The following FZR1 variants were observed in gnomAD, a reference collection of about 807,000 sequenced individuals.
FZR1 encodes the protein fizzy-related protein homolog.
In FZR1, 11 loss-of-function variants were observed where a neutral mutation model predicts 63.6. The observed-to-expected ratio is 0.17, with a 90% CI of 0.11 to 0.29. The LOEUF is 0.29. Among genes scored for constraint, FZR1 ranks in the 10% least tolerant of loss-of-function variants. The pLI is 1.00. For synonymous variants in FZR1, 328 were observed against 297.9 expected (o/e 1.10, Z -1.04); for missense variants, 440 against 687.5 (o/e 0.64, Z 4.03).
chr19:3,534,713 C>A, intron 13 of FZR1, 82 bp from the exon 14 acceptor site: 1 of 1,298,966 alleles, frequency 7.7e-7, no homozygotes, highest in Non-Finnish European at 1.1e-6. Flanking sequence ...CAGGACCAAG[C>A]CCCAAAGCCT....
intron 1 of FZR1, among the ~76,000 whole-genome samples, chr19:3,522,043 G>A (rs1056976889): frequency 6.6e-6 from 1 of 152,138 alleles, no homozygotes; most frequent in African/African-American, 2.4e-5. Context: ...AGGCTGCAGT[G>A]ATCCGTGATT....
chr19:3,518,255 C>T (rs1321283649), intron 1 of FZR1, among the ~76,000 whole-genome samples: 2 of 152,128 alleles, frequency 1.3e-5, no homozygotes, highest in Non-Finnish European at 2.9e-5. Flanking sequence ...CTCAGGTGAT[C>T]TGTCCACCTC....
Position 3,523,075 on chromosome 19 carries a change from T to A in FZR1, c.69+17T>A. 6.7e-7 allele frequency: 1 copy of A among 1,484,310 alleles called. No individual in the cohort carries two copies. The highest frequency in any genetic ancestry group is 9.4e-7 in the Non-Finnish European group (1 of 1,063,040). 91.9% of individuals were successfully genotyped at this position (1,484,310 alleles called of 1,614,324 possible). On this transcript the variant is annotated intron_variant, in intron 2 of 13. Coordinates refer to ENST00000441788, the MANE Select transcript of FZR1 (RefSeq NM_016263.4). ...ATGCCACGCGTGAGTGCCCCCGCCCTGCCCACCACTGTGGCTCCCCCTCCC... is the reference window on the plus strand; with the variant it reads ...ATGCCACGCGTGAGTGCCCCCGCCCAGCCCACCACTGTGGCTCCCCCTCCC...
At chr19:3,524,704 C>T (rs182356550) in intron 2 of FZR1, among the ~76,000 whole-genome samples, 20 of 152,254 alleles carry the variant, frequency 1.3e-4, no homozygotes, top group African/African-American at 3.9e-4. Context: ...CGCTTCCTCT[C>T]GAGGCTCCAG....
intron 2 of FZR1, among the ~76,000 whole-genome samples, chr19:3,524,213 G>A (rs2083130403): frequency 6.6e-6 from 1 of 152,326 alleles, no homozygotes; most frequent in Admixed American, 6.5e-5. Flanking sequence ...TCTCGGGGCT[G>A]CCAGGAGGAC....
intron 1 of FZR1, among the ~76,000 whole-genome samples, chr19:3,520,054 C>T (rs974213849): frequency 4.6e-5 from 7 of 152,228 alleles, no homozygotes; most frequent in Non-Finnish European, 7.3e-5. Context: ...TTTCCTGGGG[C>T]TCAGGTCTCT....
At position 3,506,325 on chromosome 19, in the gene FZR1, C is replaced by T. The variant is rs1284214777; in HGVS notation, c.-184C>T. 1 of 150,742 alleles carries T rather than the reference C, an allele frequency of 6.6e-6. No homozygotes were observed. Among genetic ancestry groups the T allele is most frequent in the Non-Finnish European group, 1.5e-5 (1 of 67,564 alleles). The allele number at this position is 150,742 out of a possible 1,614,324, so 9.3% of individuals were successfully genotyped here. On this transcript the variant is annotated 5_prime_UTR_variant, in exon 1 of 14. Transcript: ENST00000441788. The stretch of plus-strand genomic sequence containing the variant: ...AGCCGGGAGGCAGCGGAGGAGCGAC[C>T]GCCGCCATATTAGGGACCGCGGAGC...
chr19:3,507,496 A>C (rs553416479), intron 1 of FZR1, among the ~76,000 whole-genome samples: 2 of 151,478 alleles, frequency 1.3e-5, no homozygotes, highest in African/African-American at 4.9e-5. Context: ...CCCCAAACTC[A>C]TCCTCTGGTT....
At chr19:3,532,293 T>C in intron 10 of FZR1, 124 bp from the exon 11 acceptor site, 1 of 858,986 alleles carries the variant, frequency 1.2e-6, no homozygotes, top group South Asian at 1.8e-5. Flanking sequence ...CCCCCAGGGG[T>C]CCTTGAGGGA....
chr19:3,527,057 C>G lies in FZR1; in HGVS notation c.465C>G (p.Asn155Lys), dbSNP rs754880818. 2 of 1,608,384 alleles carry G rather than the reference C, an allele frequency of 1.2e-6. No homozygotes were observed. The highest frequency in any genetic ancestry group is 1.1e-5 in the South Asian group (1 of 90,870). Reference protein sequence around the residue: ...VSPYSLSPVSNKSQKLLRSPR... With the variant: ...VSPYSLSPVSKKSQKLLRSPR... ...CCTACTCCCTGTCTCCCGTCAGCAACAAGAGGTGGGTCCCAGCTTCCTCCG... is the reference window on the plus strand; with the variant it reads ...CCTACTCCCTGTCTCCCGTCAGCAAGAAGAGGTGGGTCCCAGCTTCCTCCG... Residue 155 changes from asparagine (N) to lysine (K), a missense_variant, in exon 6 of 14, where the codon AAC becomes AAG. Coordinates refer to ENST00000441788, the MANE Select transcript of FZR1 (RefSeq NM_016263.4).
intron 2 of FZR1, among the ~76,000 whole-genome samples, chr19:3,523,382 A>C (rs2083121619): frequency 6.6e-6 from 1 of 152,192 alleles, no homozygotes; most frequent in South Asian, 2.1e-4. Context: ...AGCCCCAGGC[A>C]CATCTGGAAC....
At chr19:3,534,250 C>T in intron 12 of FZR1, 171 bp from the exon 13 acceptor site, 2 of 444,520 alleles carry the variant, frequency 4.5e-6, no homozygotes, top group South Asian at 4.0e-5. Flanking sequence ...AAAAAAAAGG[C>T]TCCAACCTTG....
chr19:3,524,462 G>A (rs1046274125), intron 2 of FZR1, among the ~76,000 whole-genome samples: 17 of 152,342 alleles, frequency 1.1e-4, no homozygotes, highest in Admixed American at 4.6e-4. Flanking sequence ...AGACCCAGAC[G>A]GAGCGCCAGG....
intron 1 of FZR1, among the ~76,000 whole-genome samples, chr19:3,519,118 G>GC (rs1437683304): frequency 6.6e-6 from 1 of 152,174 alleles, no homozygotes; most frequent in Non-Finnish European, 1.5e-5. Context: ...AGAGGGCAGG[G>GC]CCCCCCATGC....
intron 11 of FZR1, among the ~76,000 whole-genome samples, 195 bp downstream of exon 11, chr19:3,532,845 G>A: frequency 6.6e-6 from 1 of 152,032 alleles, no homozygotes; most frequent in Non-Finnish European, 1.5e-5. Context: ...CCTCACCTGG[G>A]GCAAGACTTG....
intron 1 of FZR1, among the ~76,000 whole-genome samples, chr19:3,520,567 C>T (rs1184408939): frequency 4.6e-5 from 7 of 152,242 alleles, no homozygotes; most frequent in African/African-American, 1.7e-4. Flanking sequence ...AAACCCACTA[C>T]CACAGGACTG....
intron 7 of FZR1, among the ~76,000 whole-genome samples, chr19:3,528,981 T>TGGGA (rs2083195828): frequency 8.0e-6 from 1 of 124,456 alleles, no homozygotes; most frequent in Non-Finnish European, 1.7e-5. Flanking sequence ...AGCAGATGGT[T>TGGGA]GAGCGGATGG....
intron 12 of FZR1, 108 bp from the exon 13 acceptor site, chr19:3,534,311 CTG>C (rs1248996786): frequency 6.8e-6 from 4 of 589,328 alleles, no homozygotes; most frequent in Non-Finnish European, 9.2e-6. Context: ...GCTCCAGAGT[CTG>C]GGGGGCCCAG....
rs1400943890 is a variant in FZR1, at chr19:3,538,236, G to C, written c.*3400G>C. On this transcript the variant is annotated 3_prime_UTR_variant, in exon 14 of 14. Coordinates refer to ENST00000441788, the MANE Select transcript of FZR1 (RefSeq NM_016263.4). ...GCCGGGCCCAGCCAGAGGAGGGGCAGGGCAGGGCAGGAGGTTTCTGGATGT... is the reference window on the plus strand; with the variant it reads ...GCCGGGCCCAGCCAGAGGAGGGGCACGGCAGGGCAGGAGGTTTCTGGATGT... The C allele has an allele frequency of 6.0e-6, 1 of 165,858 alleles. No homozygotes were observed. Among genetic ancestry groups the C allele is most frequent in the Non-Finnish European group, 1.3e-5 (1 of 76,636 alleles). 10.3% of individuals were successfully genotyped at this position (165,858 alleles called of 1,614,324 possible). A position where few individuals can be genotyped will look rare whatever the true frequency, so the allele number is the denominator to read the frequency against.
Sources: allele counts gnomAD v4.1 joint callset (sites outside exome capture counted in the v4.1 genomes callset), GRCh38; gene constraint gnomAD v4.1.1; transcripts MANE v1.5; gene names NCBI Gene and HGNC (gene_info 2026-07-23, HGNC 2026-07-21).